The following KCNT1 variants were observed in gnomAD, a reference collection of about 807,000 sequenced individuals.
The protein encoded by KCNT1 is potassium channel subfamily T member 1.
In KCNT1, 78 loss-of-function variants were observed where a neutral mutation model predicts 147.8. That is an observed-to-expected ratio of 0.53 (90% CI 0.44 to 0.64). The LOEUF (loss-of-function observed/expected upper bound fraction) is 0.64, where lower values mean the gene tolerates loss of function less well. KCNT1 is among the 30% of genes least tolerant of loss of function. The pLI, the probability that KCNT1 is intolerant of heterozygous loss-of-function variation, is 0.00. For missense variants in KCNT1, 1,419 were observed against 1,750.3 expected, an observed-to-expected ratio of 0.81 and a Z score of 3.38; for synonymous variants, 867 against 748.8, an observed-to-expected ratio of 1.16 and a Z score of -2.58.
chr9:135,782,649 G>A (rs766751852), intron 24 of KCNT1, among the ~76,000 whole-genome samples: 4 of 152,168 alleles, frequency 2.6e-5, no homozygotes, highest in South Asian at 2.1e-4. Context: ...GTCCTGAAAC[G>A]TCCAGCTTTT....
intron 2 of KCNT1, among the ~76,000 whole-genome samples, chr9:135,749,177 C>T (rs996902137): frequency 6.6e-6 from 1 of 152,200 alleles, no homozygotes; most frequent in Non-Finnish European, 1.5e-5. Flanking sequence ...CAGCCGGGCA[C>T]AGGAGACCCT....
At chr9:135,744,224 C>T (rs1309972742) in intron 2 of KCNT1, among the ~76,000 whole-genome samples, 1 of 152,250 alleles carries the variant, frequency 6.6e-6, no homozygotes, top group East Asian at 1.9e-4. Context: ...GGCCAGTCCC[C>T]CAGCCTGCAG....
At chr9:135,725,188 CG>C (rs59794363) in intron 2 of KCNT1, among the ~76,000 whole-genome samples, 21,432 of 152,114 alleles carry the variant, frequency 0.14, 1,671 homozygotes, top group South Asian at 0.18. Flanking sequence ...ACACAGCTGC[CG>C]GGGGGGACCT....
In KCNT1 at chr9:135,704,076, G is replaced by C. The variant is rs116698749; in HGVS notation, c.110+1708G>C. ...AGGCCAAGGCTTGCGGCCCAGGCAG[G>C]TGGCTTCAGCTGCAGAAAGAAGAAC... On this transcript the variant is annotated intron_variant, in intron 1 of 30. Transcript: ENST00000371757. Among the ~76,000 whole-genome samples, 1,107 of 152,362 alleles carry C rather than the reference G, an allele frequency of 7.3e-3. 18 individuals are homozygous for C. The highest frequency in any genetic ancestry group is 0.025 in the African/African-American group (1,046 of 41,594).
chr9:135,785,316 G>T lies in KCNT1; in HGVS notation c.3163G>T (p.Asp1055Tyr), dbSNP rs537379253. 2.5e-6 allele frequency: 4 copies of T among 1,612,858 alleles called. No homozygotes were observed. The highest frequency in any genetic ancestry group is 3.4e-6 in the Non-Finnish European group (4 of 1,179,912). The change falls in exon 28 of 31, where the codon GAC (aspartate) becomes TAC (tyrosine). Residue 1055 changes from aspartate (D) to tyrosine (Y), a missense_variant. Physicochemically the swap from Asp to Tyr is radical, Grantham distance 160. Transcript: ENST00000371757. The part of the protein sequence containing the change: ...SHVFSTSEPH[D>Y]LRAQSQISVN... The stretch of plus-strand genomic sequence containing the variant: ...GCGCCTGTTTCCTTTGCAGCCCCAC[G>T]ACCTCAGAGCCCAGGTAAGCAACCC...
intron 2 of KCNT1, among the ~76,000 whole-genome samples, chr9:135,728,772 A>G (rs147092117): frequency 0.01 from 1,539 of 152,314 alleles, 13 homozygotes; most frequent in Non-Finnish European, 0.015. Context: ...AGCTCAATCC[A>G]GGAGTGTTTT....
chr9:135,788,073 CTGTGCCTCTTTCTGTG>C (rs755974313), intron 29 of KCNT1: 14 of 1,549,704 alleles, frequency 9.0e-6, no homozygotes, highest in Non-Finnish European at 1.2e-5. Flanking sequence ...CTCTTTCTGT[CTGTGCCTCTTTCTGTG>C]TGTTCTGTAG....
chr9:135,784,070 C>T lies in KCNT1; in HGVS notation c.2888C>T (p.Pro963Leu), dbSNP rs997774104. Residue 963 changes from proline (P) to leucine (L), a missense_variant, in exon 25 of 31, where the codon CCG (proline) becomes CTG (leucine). Coordinates refer to ENST00000371757, the MANE Select transcript of KCNT1 (RefSeq NM_020822.3). ...AACCTGGCCTTCATGTTCCGCCTGC[C>T]GTTCGCCGCCGGCCGCGTCTTCAGC... ...GSNLAFMFRL[P>L]FAAGRVFSIS... The T allele has an allele frequency of 6.2e-7, 1 of 1,606,300 alleles. No homozygotes were observed. The highest frequency in any genetic ancestry group is 8.5e-7 in the Non-Finnish European group (1 of 1,179,972).
intron 10 of KCNT1, among the ~76,000 whole-genome samples, chr9:135,758,827 G>T (rs1203139602): frequency 2.0e-5 from 3 of 152,232 alleles, no homozygotes; most frequent in Non-Finnish European, 4.4e-5. Context: ...CTTGGCTGAG[G>T]CCCAGCTGAA....
chr9:135,714,529 C>T lies in KCNT1; in HGVS notation c.111-48C>T. On this transcript the variant is annotated intron_variant, in intron 1 of 30. Coordinates refer to ENST00000371757, the MANE Select transcript of KCNT1 (RefSeq NM_020822.3). This position sits in a 1 kb window ranked among gnomAD's most constrained non-coding sequence, Gnocchi z 6.2. ...TGGCGGGCCGGGGGCTGCGCGCGTC[C>T]GCGAGGGCGCCCGACGCGGGCTGAG... is the stretch of plus-strand genomic sequence containing the variant. 5 of 1,013,564 alleles carry T rather than the reference C, an allele frequency of 4.9e-6. No homozygotes were observed. The highest frequency in any genetic ancestry group is 5.9e-6 in the Non-Finnish European group (5 of 849,090). 62.8% of individuals were successfully genotyped at this position (1,013,564 alleles called of 1,614,324 possible).
chr9:135,770,219 G>T, intron 16 of KCNT1, 79 bp from the exon 17 acceptor site: 2 of 1,504,532 alleles, frequency 1.3e-6, no homozygotes, highest in South Asian at 1.3e-5. Flanking sequence ...AGCAGAGGGG[G>T]GCACCTGCAG....
chr9:135,736,591 T>TGCCCGCCGCCCGCC (rs935688070), intron 2 of KCNT1: 36 of 149,092 alleles, frequency 2.4e-4, no homozygotes, highest in Non-Finnish European at 4.3e-4. Flanking sequence ...CCGCCCCCGC[T>TGCCCGCCGCCCGCC]GCCCGCCGCC....
chr9:135,776,083 G>C (rs937667066), intron 20 of KCNT1, among the ~76,000 whole-genome samples: 2 of 151,998 alleles, frequency 1.3e-5, no homozygotes, highest in Non-Finnish European at 2.9e-5. Context: ...GGTCACTGGC[G>C]ATGTTTACTT....
At chr9:135,758,539 A>G in intron 10 of KCNT1, 31 bp downstream of exon 10, 1 of 1,582,822 alleles carries the variant, frequency 6.3e-7, no homozygotes, top group Non-Finnish European at 8.7e-7. Flanking sequence ...TGAGCACCCC[A>G]GGACGTTGGG....
In KCNT1 at chr9:135,769,931, C is replaced by G. The variant is rs1204435241; in HGVS notation, c.1511-16C>G. 1 of 1,538,436 alleles carries G rather than the reference C, an allele frequency of 6.5e-7. No individual in the cohort carries two copies. The highest frequency in any genetic ancestry group is 8.8e-7 in the Non-Finnish European group (1 of 1,136,972). ...GGCAGAGCGGCAGGTGGACCGGCCTCCCCCACTGCCCGCAGACCACGTGGT... is the reference window on the plus strand; with the variant it reads ...GGCAGAGCGGCAGGTGGACCGGCCTGCCCCACTGCCCGCAGACCACGTGGT... On this transcript the variant is annotated splice_polypyrimidine_tract_variant and intron_variant, in intron 15 of 30. Coordinates refer to ENST00000371757, the MANE Select transcript of KCNT1 (RefSeq NM_020822.3).
chr9:135,720,239 T>C lies in KCNT1; in HGVS notation c.254+5519T>C, dbSNP rs1479114033. Among the ~76,000 whole-genome samples, 5 of 151,706 alleles carry C rather than the reference T, an allele frequency of 3.3e-5. No individual in the cohort carries two copies. The East Asian group carries it at 9.8e-4, about 30-fold the overall frequency. On this transcript the variant is annotated intron_variant, in intron 2 of 30. Transcript: ENST00000371757. ...ATCCAGCTGCCCCGCAGGGACAGGG[T>C]AGCTGGGAACAGAGAGAGGCTTCTC... is the stretch of plus-strand genomic sequence containing the variant.
At chr9:135,712,885 A>T (rs1350170886) in intron 1 of KCNT1, among the ~76,000 whole-genome samples, 4 of 152,194 alleles carry the variant, frequency 2.6e-5, no homozygotes, top group African/African-American at 4.8e-5. Flanking sequence ...TTCCCAAGGG[A>T]AGAAGGGCAT....
At chr9:135,703,819 T>G (rs1360957384) in intron 1 of KCNT1, among the ~76,000 whole-genome samples, 1 of 152,194 alleles carries the variant, frequency 6.6e-6, no homozygotes, top group Non-Finnish European at 1.5e-5. Context: ...GCTCCAGGCC[T>G]CATCCTCCGG....
Position 135,750,181 on chromosome 9 carries a change from AGTGGG to A in KCNT1, c.334+8_334+12del, listed in dbSNP as rs765961514. On this transcript the variant is annotated splice_donor_5th_base_variant and intron_variant, in intron 3 of 30. Transcript: ENST00000371757. ...TTCATCAAAAACCAAAGATCGAGTGAGTGGGGTGCCTGGAGGGCCACTCCCAGGCA... is the reference window on the plus strand; with the variant it reads ...TTCATCAAAAACCAAAGATCGAGTGAGTGCCTGGAGGGCCACTCCCAGGCA... 22 of 1,612,954 alleles carry A rather than the reference AGTGGG, an allele frequency of 1.4e-5. No individual in the cohort carries two copies. The East Asian group carries it at 4.9e-4, about 36-fold the overall frequency.
Sources: gnomAD v4.1 joint callset for allele counts (sites outside exome capture counted in the v4.1 genomes callset) on GRCh38, gnomAD v4.1.1 for gene constraint, Gnocchi (gnomAD v3.1) non-coding constraint, MANE v1.5 for transcripts, NCBI Gene and HGNC (gene_info 2026-07-23, HGNC 2026-07-21) for gene names.